The following LARGE1 variants were observed in gnomAD, a reference collection of about 807,000 sequenced individuals.
LARGE1 encodes LARGE xylosyl- and glucuronyltransferase 1.
LARGE1 carries 43 observed loss-of-function variants against 87.6 expected under a neutral mutation model. The ratio of observed to expected loss-of-function variants is 0.49; its 90% CI spans 0.38 to 0.63. LARGE1 has a LOEUF of 0.63. LARGE1 is among the 30% of genes least tolerant of loss of function. The pLI, the probability that LARGE1 is intolerant of heterozygous loss-of-function variation, is 0.00. For synonymous variants in LARGE1, 434 were observed against 394.6 expected (o/e 1.10, Z -1.18); for missense variants, 802 against 1,000.2 (o/e 0.80, Z 2.67).
At chr22:33,310,818 G>A (rs2146245708) in intron 11 of LARGE1, among the ~76,000 whole-genome samples, 1 of 152,224 alleles carries the variant, frequency 6.6e-6, no homozygotes, top group South Asian at 2.1e-4. Context: ...GGCATCCCTT[G>A]GGTTCTCTTG....
intron 1 of LARGE1, among the ~76,000 whole-genome samples, chr22:33,906,676 T>C (rs1001638308): frequency 5.3e-5 from 8 of 152,112 alleles, no homozygotes; most frequent in Non-Finnish European, 1.2e-4. Flanking sequence ...AAGTGCAAGG[T>C]AGACAGAAAA....
chr22:33,540,939 G>C (rs1285104540), intron 6 of LARGE1, among the ~76,000 whole-genome samples: 1 of 151,492 alleles, frequency 6.6e-6, no homozygotes, highest in Non-Finnish European at 1.5e-5. Context: ...TTCAAGACCA[G>C]CTTGGGCAAC....
chr22:33,424,877 T>A (rs1206166771), intron 7 of LARGE1, among the ~76,000 whole-genome samples: 1 of 151,908 alleles, frequency 6.6e-6, no homozygotes, highest in Admixed American at 6.6e-5. Flanking sequence ...AAATCCTAAT[T>A]CCTAATGAGA....
the LARGE1 span, chr22:33,106,027 T>C: frequency 6.6e-6 from 1 of 152,264 alleles, no homozygotes; most frequent in Non-Finnish European, 1.5e-5. Flanking sequence ...AGCCAGATGA[T>C]GTCTGAGTTT....
chr22:33,096,449 T>A, the LARGE1 span, among the ~76,000 whole-genome samples: 2 of 151,430 alleles, frequency 1.3e-5, no homozygotes, highest in Non-Finnish European at 2.9e-5. Flanking sequence ...TAATACCCAA[T>A]TTCTCGAGGT....
intron 5 of LARGE1, among the ~76,000 whole-genome samples, chr22:33,587,425 A>G (rs73168556): frequency 0.026 from 4,034 of 152,304 alleles, 95 homozygotes; most frequent in Non-Finnish European, 0.042. Flanking sequence ...CTTCCCATTA[A>G]TAAGTAATAA....
intron 6 of LARGE1, among the ~76,000 whole-genome samples, chr22:33,498,083 G>T (rs965468368): frequency 1.4e-4 from 22 of 151,964 alleles, no homozygotes; most frequent in Admixed American, 9.8e-4. Context: ...CGGGGTTTCG[G>T]CATGTTGGTT....
chr22:33,831,630 T>C (rs1218527967), intron 1 of LARGE1, among the ~76,000 whole-genome samples: 1 of 151,984 alleles, frequency 6.6e-6, no homozygotes, highest in East Asian at 1.9e-4. Flanking sequence ...TATTCCTAAG[T>C]TTTTAAAAAA....
the LARGE1 span, among the ~76,000 whole-genome samples, chr22:33,116,968 G>C: frequency 6.6e-6 from 1 of 152,222 alleles, no homozygotes; most frequent in African/African-American, 2.4e-5. Context: ...TATGCTGCTA[G>C]TTTTCAAGGA....
the LARGE1 span, among the ~76,000 whole-genome samples, chr22:33,140,335 G>GA: frequency 1.3e-5 from 2 of 151,914 alleles, no homozygotes; most frequent in Non-Finnish European, 2.9e-5. Context: ...GCAGTGGGGA[G>GA]AAAAGGGGAT....
chr22:33,891,287 G>A (rs2146832662), intron 1 of LARGE1, among the ~76,000 whole-genome samples: 1 of 152,256 alleles, frequency 6.6e-6, no homozygotes, highest in South Asian at 2.1e-4. Flanking sequence ...ATATGAATTA[G>A]TCCAGAAATT....
At position 33,892,394 on chromosome 22, in the gene LARGE1, G is replaced by A. The variant is rs748747938; in HGVS notation, c.-83+27601C>T. Reference sequence around the variant, plus strand: ...GGCAGGGACACAAAAAAGCAGAAATGCTCAAGATCTTTTAAGGCATAGGCT... The same window carrying A: ...GGCAGGGACACAAAAAAGCAGAAATACTCAAGATCTTTTAAGGCATAGGCT... On this transcript the variant is annotated intron_variant, in intron 1 of 14. Coordinates refer to ENST00000397394, the MANE Select transcript of LARGE1 (RefSeq NM_133642.5). 4.7e-4 allele frequency among the ~76,000 whole-genome samples: 71 copies of A among 152,158 alleles called. 1 individual carries two copies. The highest frequency in any genetic ancestry group is 9.3e-4 in the Non-Finnish European group (63 of 68,034).
intron 12 of LARGE1, among the ~76,000 whole-genome samples, chr22:33,295,938 A>G (rs1344379062): frequency 6.6e-6 from 1 of 152,230 alleles, no homozygotes; most frequent in Non-Finnish European, 1.5e-5. Context: ...GGCAGGTGAG[A>G]AAGAGAAGCT....
chr22:33,684,394 C>A (rs2081880041), intron 2 of LARGE1, among the ~76,000 whole-genome samples: 1 of 151,918 alleles, frequency 6.6e-6, no homozygotes, highest in Admixed American at 6.6e-5. Flanking sequence ...CCCTTCGCAC[C>A]CCTGGCTTCC....
At chr22:33,885,145 G>A (rs2064808794) in intron 1 of LARGE1, among the ~76,000 whole-genome samples, 1 of 152,248 alleles carries the variant, frequency 6.6e-6, no homozygotes, top group Non-Finnish European at 1.5e-5. Flanking sequence ...GCGCCAGAAA[G>A]TGACAGCCCT....
chr22:33,644,232 C>T (rs891779916), intron 3 of LARGE1, among the ~76,000 whole-genome samples: 2 of 152,180 alleles, frequency 1.3e-5, no homozygotes, highest in Admixed American at 6.5e-5. Context: ...TTGGATTCAT[C>T]CCTGGGATGC....
At chr22:33,250,997 C>A (rs1265011925) in intron 11 of LARGE1, among the ~76,000 whole-genome samples, 4 of 152,172 alleles carry the variant, frequency 2.6e-5, no homozygotes, top group Non-Finnish European at 5.9e-5. Context: ...GTATTAGGGT[C>A]ATGCTTGCCT....
chr22:33,423,955 A>G (rs1601789544), intron 7 of LARGE1, among the ~76,000 whole-genome samples: 2 of 152,368 alleles, frequency 1.3e-5, no homozygotes, highest in Admixed American at 1.3e-4. Context: ...ACAGAAGTAC[A>G]GAAAGGGGAG....
intron 5 of LARGE1, among the ~76,000 whole-genome samples, chr22:33,579,057 G>C (rs2078435806): frequency 6.6e-6 from 1 of 152,206 alleles, no homozygotes; most frequent in African/African-American, 2.4e-5. Context: ...CAGGAAGATT[G>C]TTACAATGGA....
Sources: gnomAD v4.1 joint callset for allele counts (sites outside exome capture counted in the v4.1 genomes callset) on GRCh38, gnomAD v4.1.1 for gene constraint, MANE v1.5 for transcripts, NCBI Gene and HGNC (gene_info 2026-07-23, HGNC 2026-07-21) for gene names.